RP1: variants seen among roughly 807,000 people sequenced by gnomAD.
RP1 encodes RP1 axonemal microtubule associated, also known as oxygen-regulated protein 1.
RP1 carries 16 observed loss-of-function variants against 14.8 expected under a neutral mutation model. The observed-to-expected ratio is 1.08, with a 90% CI of 0.73 to 1.65. RP1 has a LOEUF of 1.65. RP1 is among the 40% of genes most tolerant of loss of function. RP1 has a pLI of 0.00. For synonymous variants in RP1, 876 were observed against 883.6 expected, an observed-to-expected ratio of 0.99 and a Z score of 0.15; for missense variants, 2,631 against 2,535.0, an observed-to-expected ratio of 1.04 and a Z score of -0.81.
At chr8:54,673,283 ATGGAT>A in intron 7 of RP1, among the ~76,000 whole-genome samples, 7 of 152,188 alleles carry the variant, frequency 4.6e-5, no homozygotes, top group Admixed American at 3.3e-4. Context: ...CCATTTTTTA[ATGGAT>A]ATGCTACATC....
chr8:54,714,521 AG>A (rs1262017769), intron 15 of RP1, among the ~76,000 whole-genome samples: 1 of 152,154 alleles, frequency 6.6e-6, no homozygotes, highest in Admixed American at 6.5e-5. Context: ...TCACCCACCC[AG>A]GAACTGAAGA....
intron 25 of RP1, among the ~76,000 whole-genome samples, chr8:54,850,834 T>C (rs1176759881): frequency 1.3e-5 from 2 of 152,236 alleles, no homozygotes; most frequent in East Asian, 3.9e-4. Context: ...TGTAGTATAA[T>C]GAACACGAAG....
chr8:54,591,421 T>C (rs1409486128), intron 1 of RP1, among the ~76,000 whole-genome samples: 1 of 152,130 alleles, frequency 6.6e-6, no homozygotes, highest in Non-Finnish European at 1.5e-5. Flanking sequence ...ATTTCTTCTG[T>C]ATCTTTGAAT....
intron 24 of RP1, among the ~76,000 whole-genome samples, chr8:54,808,091 T>C (rs1280053186): frequency 6.6e-6 from 1 of 152,152 alleles, no homozygotes; most frequent in Non-Finnish European, 1.5e-5. Context: ...CGTGTAACCA[T>C]CATATCATGA....
intron 9 of RP1, chr8:54,678,555 A>G (rs1272095069): frequency 1.3e-6 from 2 of 1,526,364 alleles, no homozygotes; most frequent in African/African-American, 2.8e-5. Flanking sequence ...GTGTACTTTT[A>G]CATCGAAAAA....
intron 7 of RP1, among the ~76,000 whole-genome samples, chr8:54,665,976 T>C (rs957086413): frequency 4.6e-5 from 7 of 151,816 alleles, no homozygotes; most frequent in Non-Finnish European, 8.8e-5. Context: ...GCTCCTTATG[T>C]GTTTAAAGCA....
chr8:54,724,763 C>A (rs921342108), intron 16 of RP1, among the ~76,000 whole-genome samples: 1 of 152,110 alleles, frequency 6.6e-6, no homozygotes, highest in African/African-American at 2.4e-5. Flanking sequence ...ATGACATTTC[C>A]AGAAAATGTC....
intron 3 of RP1, among the ~76,000 whole-genome samples, chr8:54,637,278 G>A (rs1806368541): frequency 6.6e-6 from 1 of 152,166 alleles, no homozygotes; most frequent in South Asian, 2.1e-4. Flanking sequence ...GGTCCTGAGT[G>A]GGTTAGGAAA....
intron 12 of RP1, among the ~76,000 whole-genome samples, chr8:54,687,927 A>G (rs1807607059): frequency 6.6e-6 from 1 of 152,168 alleles, no homozygotes; most frequent in Non-Finnish European, 1.5e-5. Context: ...CACTCCCACC[A>G]ACAGTGTAAA....
At chr8:54,740,912 T>C (rs1809067151) in intron 19 of RP1, among the ~76,000 whole-genome samples, 1 of 151,708 alleles carries the variant, frequency 6.6e-6, no homozygotes, top group Non-Finnish European at 1.5e-5. Flanking sequence ...GGCAGGCGCC[T>C]GTAGTCCCAG....
At chr8:54,869,969 A>G (rs1812551584) in exon 29 of RP1, 2 of 1,039,292 alleles carry the variant, frequency 1.9e-6, no homozygotes, top group African/African-American at 3.3e-5. Flanking sequence ...CTGTCGCTCC[A>G]ATATGCTTCA....
chr8:54,569,834 G>A lies in RP1; in HGVS notation c.-13+10514G>A, dbSNP rs146832551. Reference sequence around the variant, plus strand: ...ACTACATCATCACAGACGACGTACCGCATGATGTCAGAAAGAAGCCCAGTC... The same window carrying A: ...ACTACATCATCACAGACGACGTACCACATGATGTCAGAAAGAAGCCCAGTC... On this transcript the variant is annotated intron_variant, in intron 1 of 22. Transcript: ENST00000636932. Among the ~76,000 whole-genome samples the A allele has an allele frequency of 5.5e-3, 832 of 152,268 alleles. 6 individuals carry two copies. Among genetic ancestry groups the A allele is most frequent in the South Asian group, 0.04 (191 of 4,822 alleles).
At position 54,621,282 on chromosome 8, in the gene RP1, T is replaced by C. The variant is rs1805858355; in HGVS notation, c.316T>C (p.Cys106Arg). The C allele has an allele frequency of 1.2e-6, 2 of 1,613,990 alleles. No homozygotes were observed. The highest frequency in any genetic ancestry group is 1.7e-6 in the Non-Finnish European group (2 of 1,180,010). The change falls in exon 2 of 4, where the codon TGT becomes CGT. Residue 106 changes from cysteine to arginine, a missense_variant. By Grantham distance (180) the Cys-to-Arg change is radical. Coordinates refer to ENST00000220676, the MANE Select transcript of RP1 (RefSeq NM_006269.2). Reference sequence around the variant, plus strand: ...GCTGGAGGACGGCGAGTCCTACCTATGTTCCCACGGCAGGAAGGTGCAGCC... The same window carrying C: ...GCTGGAGGACGGCGAGTCCTACCTACGTTCCCACGGCAGGAAGGTGCAGCC... ...EELEDGESYL[C>R]SHGRKVQPVD...
intron 12 of RP1, among the ~76,000 whole-genome samples, chr8:54,699,065 T>A (rs187480408): frequency 6.6e-6 from 1 of 151,638 alleles, no homozygotes; most frequent in Admixed American, 6.6e-5. Context: ...AACTTTGTTA[T>A]CATGAAATCA....
chr8:54,733,486 T>C (rs2129355579), intron 17 of RP1, among the ~76,000 whole-genome samples: 1 of 152,302 alleles, frequency 6.6e-6, no homozygotes, highest in South Asian at 2.1e-4. Context: ...TTTATTTATA[T>C]ATTTTTGCAT....
downstream of RP1, among the ~76,000 whole-genome samples, chr8:54,770,965 CTA>C (rs1206538163): frequency 2.0e-5 from 3 of 151,950 alleles, no homozygotes; most frequent in Non-Finnish European, 4.4e-5. Context: ...TACCACATCT[CTA>C]TGTTTTCAAA....
Position 54,627,552 on chromosome 8 carries a change from A to T in RP1, c.3670A>T (p.Ser1224Cys). ...TVNIQSVPKC[S>C]ENERTQGISS... ...CAACATTCAGAGTGTTCCTAAGTGC[A>T]GTGAAAATGAAAGAACACAAGGAAT... Residue 1224 changes from serine (S) to cysteine (C), a missense_variant, in exon 4 of 4, where the codon AGT becomes TGT. Physicochemically the swap from Ser to Cys is moderately radical, Grantham distance 112. Transcript: ENST00000220676. 1 of 1,614,194 alleles carries T rather than the reference A, an allele frequency of 6.2e-7. No individual in the cohort carries two copies. Among genetic ancestry groups the T allele is most frequent in the South Asian group, 1.1e-5 (1 of 91,086 alleles).
At chr8:54,863,072 TA>T (rs1342907569) in intron 27 of RP1, among the ~76,000 whole-genome samples, 2 of 145,666 alleles carry the variant, frequency 1.4e-5, no homozygotes, top group Non-Finnish European at 3.0e-5. Flanking sequence ...TATATATATA[TA>T]TATATGCAGA....
At chr8:54,590,850 AAC>A (rs759178305) in intron 1 of RP1, among the ~76,000 whole-genome samples, 5 of 152,212 alleles carry the variant, frequency 3.3e-5, no homozygotes, top group African/African-American at 4.8e-5. Flanking sequence ...TCTCAAACAT[AAC>A]ACAGCTGAAA....
Sources: allele counts gnomAD v4.1 joint callset (sites outside exome capture counted in the v4.1 genomes callset), GRCh38; gene constraint gnomAD v4.1.1; transcripts MANE v1.5; gene names NCBI Gene and HGNC (gene_info 2026-07-23, HGNC 2026-07-21).